Variants in DOCK1 observed in about 807,000 individuals in gnomAD.
DOCK1 encodes the protein dedicator of cytokinesis 1, also known as dedicator of cytokinesis protein 1.
A neutral mutation model predicts 262.7 loss-of-function variants in DOCK1; 138 were observed. The ratio of observed to expected loss-of-function variants is 0.53; its 90% confidence interval spans 0.46 to 0.61. The LOEUF (loss-of-function observed/expected upper bound fraction) is 0.61. DOCK1 is among the 20% of genes least tolerant of loss of function. The pLI, the probability that DOCK1 is intolerant of heterozygous loss-of-function variation, is 0.00. For missense variants in DOCK1, 1,908 were observed against 2,370.7 expected (o/e 0.80, Z 4.05); for synonymous variants, 866 against 867.4 (o/e 1.00, Z 0.03).
intron 29 of DOCK1, 178 bp downstream of exon 29, chr10:127,257,607 C>T (rs930044722): frequency 4.1e-6 from 2 of 487,382 alleles, no homozygotes; most frequent in Admixed American, 6.3e-5. Flanking sequence ...GTGGTGACTT[C>T]CTTATGACAA....
chr10:127,396,350 G>A (rs4341448), intron 38 of DOCK1, among the ~76,000 whole-genome samples: 62,339 of 151,808 alleles, frequency 0.41, 13,435 homozygotes, highest in Middle Eastern at 0.53. Context: ...CAGCAAGTCT[G>A]CACTCTCCCT....
chr10:127,260,721 ATG>A lies in DOCK1; in HGVS notation c.3044+3299_3044+3300del, dbSNP rs1203115913. ...CTCGTGCTCATCTGTGTGTCCTTGC[ATG>A]TGTGTGCGTGTGGGTGTGCATGTGT... is the stretch of plus-strand genomic sequence containing the variant. On this transcript the variant is annotated intron_variant, in intron 29 of 51. Coordinates refer to ENST00000623213, the MANE Select transcript of DOCK1 (RefSeq NM_001290223.2). Among the ~76,000 whole-genome samples the A allele has an allele frequency of 1.1e-4, 11 of 98,832 alleles. No homozygotes were observed. The East Asian group carries it at 2.8e-3, about 25-fold the overall frequency. The allele number at this position is 98,832 out of a possible 152,430, so 64.8% of individuals were successfully genotyped here.
intron 14 of DOCK1, among the ~76,000 whole-genome samples, chr10:127,024,239 G>A (rs193164318): frequency 6.6e-5 from 10 of 152,140 alleles, no homozygotes; most frequent in East Asian, 5.8e-4. Flanking sequence ...TGCCTGCCTC[G>A]TCTCCCTGGA....
rs116645747 is a variant in DOCK1, at chr10:127,207,528, A to G, written c.2848-40480A>G. Among the ~76,000 whole-genome samples, 860 of 152,350 alleles carry G rather than the reference A, an allele frequency of 5.6e-3. 9 individuals carry two copies. The highest frequency in any genetic ancestry group is 0.02 in the African/African-American group (817 of 41,572). ...TCCTCTTTTCCCAGGAAAATGGGAG[A>G]GTATTCATTCCTGTACATATTGAGA... On this transcript the variant is annotated intron_variant, in intron 27 of 51. Transcript: ENST00000623213.
At chr10:126,907,378 G>A (rs1217803000) in intron 1 of DOCK1, among the ~76,000 whole-genome samples, 28 of 152,162 alleles carry the variant, frequency 1.8e-4, no homozygotes, top group Admixed American at 1.8e-3. Context: ...GGGTGCAGTA[G>A]TGGCCATTGG....
intron 27 of DOCK1, among the ~76,000 whole-genome samples, chr10:127,166,059 TTTC>T (rs1306233464): frequency 6.6e-6 from 1 of 152,118 alleles, no homozygotes; most frequent in Non-Finnish European, 1.5e-5. Flanking sequence ...ATGCCTGCAT[TTTC>T]TTATTTATTT....
chr10:127,065,249 A>G (rs2045792331), intron 23 of DOCK1, among the ~76,000 whole-genome samples: 1 of 151,850 alleles, frequency 6.6e-6, no homozygotes, highest in Admixed American at 6.6e-5. Flanking sequence ...GACCTCAAAT[A>G]ATTCACCCGC....
intron 44 of DOCK1, among the ~76,000 whole-genome samples, chr10:127,417,425 C>T (rs944762204): frequency 2.7e-5 from 4 of 150,540 alleles, no homozygotes; most frequent in South Asian, 4.3e-4. Context: ...CTGAGAGACA[C>T]GCACTGGAGC....
intron 27 of DOCK1, among the ~76,000 whole-genome samples, chr10:127,193,742 T>C (rs2489381): frequency 0.58 from 87,864 of 152,078 alleles, 27,528 homozygotes; most frequent in East Asian, 0.75. Context: ...TATTTATTGA[T>C]TTATTTAAAA....
intron 1 of DOCK1, among the ~76,000 whole-genome samples, chr10:126,948,919 A>T (rs1462515254): frequency 6.6e-6 from 1 of 152,072 alleles, no homozygotes; most frequent in South Asian, 2.1e-4. Flanking sequence ...GCAGGTCTGG[A>T]GCTGGTTGTA....
intron 16 of DOCK1, 51 bp downstream of exon 16, chr10:127,026,475 G>C (rs1028460545): frequency 3.9e-6 from 6 of 1,529,192 alleles, no homozygotes; most frequent in Non-Finnish European, 5.3e-6. Context: ...GGAGAACTGG[G>C]GGAAAGCGCG....
At chr10:126,912,386 C>T (rs1212633414) in intron 1 of DOCK1, among the ~76,000 whole-genome samples, 4 of 149,220 alleles carry the variant, frequency 2.7e-5, no homozygotes, top group South Asian at 2.1e-4. Context: ...GCCAAGATTG[C>T]GCCATTGTAC....
chr10:127,145,240 C>T (rs544244247), intron 27 of DOCK1, among the ~76,000 whole-genome samples: 4 of 152,144 alleles, frequency 2.6e-5, no homozygotes, highest in East Asian at 1.9e-4. Flanking sequence ...ATAGTGCCAC[C>T]GAGGAGCAGA....
intron 1 of DOCK1, among the ~76,000 whole-genome samples, chr10:126,940,846 G>C: frequency 6.6e-6 from 1 of 152,334 alleles, no homozygotes; most frequent in African/African-American, 2.4e-5. Flanking sequence ...ATAGCAAACA[G>C]TAATTGCTAA....
chr10:127,145,993 C>G, intron 27 of DOCK1: 1 of 516,936 alleles, frequency 1.9e-6, no homozygotes, highest in Non-Finnish European at 3.9e-6. Flanking sequence ...GGACCCCGCA[C>G]CCTGAATTCC....
chr10:127,368,881 C>G (rs2065063998), intron 33 of DOCK1, among the ~76,000 whole-genome samples: 1 of 152,146 alleles, frequency 6.6e-6, no homozygotes, highest in South Asian at 2.1e-4. Context: ...GAACTAACAG[C>G]TGAGAATTGC....
chr10:127,385,713 G>C (rs373940934), intron 38 of DOCK1, among the ~76,000 whole-genome samples: 2 of 152,176 alleles, frequency 1.3e-5, no homozygotes, highest in Admixed American at 6.5e-5. Context: ...TGGCGTGGCC[G>C]CCCCCTCTGA....
intron 27 of DOCK1, among the ~76,000 whole-genome samples, chr10:127,171,402 G>A (rs1484481339): frequency 1.3e-5 from 2 of 152,126 alleles, no homozygotes; most frequent in African/African-American, 2.4e-5. Context: ...GGCCATCAGC[G>A]GGATTCAAAG....
intron 24 of DOCK1, 135 bp from the exon 25 acceptor site, chr10:127,110,113 T>C: frequency 1.4e-6 from 1 of 692,164 alleles, no homozygotes; most frequent in East Asian, 2.7e-5. Context: ...ATTGACCCCA[T>C]AGTGCATGAG....
Sources: gnomAD v4.1 joint callset for allele counts (sites outside exome capture counted in the v4.1 genomes callset) on GRCh38, gnomAD v4.1.1 for gene constraint, MANE v1.5 for transcripts, NCBI Gene and HGNC (gene_info 2026-07-23, HGNC 2026-07-21) for gene names.